The following UTP23 variants were observed in gnomAD, a reference collection of about 807,000 sequenced individuals.
UTP23 encodes UTP23 small subunit processome component.
In UTP23, 10 loss-of-function variants were observed where a neutral mutation model predicts 19.8. The ratio of observed to expected loss-of-function variants is 0.50; its 90% CI spans 0.31 to 0.86. The LOEUF (loss-of-function observed/expected upper bound fraction) is 0.86, where lower values mean the gene tolerates loss of function less well. Among genes scored for constraint, UTP23 ranks in the 40% least tolerant of loss-of-function variants. The probability of loss-of-function intolerance (pLI) is 0.05; values close to 1 mark genes in which losing one functional copy is unlikely to be tolerated. For synonymous variants in UTP23, 108 were observed against 105.4 expected (o/e 1.02, Z -0.15); for missense variants, 282 against 293.1 (o/e 0.96, Z 0.28).
chr8:116,766,872 T>C (rs1304534331), intron 1 of UTP23, 81 bp downstream of exon 1: 5 of 1,351,074 alleles, frequency 3.7e-6, no homozygotes, highest in East Asian at 2.6e-5. Context: ...CAGACCTTCA[T>C]TGCGAGCTCA....
Position 116,766,610 on chromosome 8 carries a change from A to T in UTP23, c.7A>T (p.Ile3Phe). 6.2e-7 allele frequency: 1 copy of T among 1,612,542 alleles called. No homozygotes were observed. Residue 3 changes from isoleucine to phenylalanine, a missense_variant, in exon 1 of 3, where the codon ATC (isoleucine) becomes TTC (phenylalanine). Coordinates refer to ENST00000309822, the MANE Select transcript of UTP23 (RefSeq NM_032334.3). Reference sequence around the variant, plus strand: ...CGGTCCCGGTAAGCCAGGCATGAAGATCACAAGGCAGAAACATGCCAAGAA... The same window carrying T: ...CGGTCCCGGTAAGCCAGGCATGAAGTTCACAAGGCAGAAACATGCCAAGAA... MK[I>F]TRQKHAKKHL...
At position 116,774,392 on chromosome 8, in the gene UTP23, TG is replaced by T; in HGVS notation, c.*2551del. 2.0e-6 allele frequency: 2 copies of T among 977,284 alleles called. No homozygotes were observed. Among genetic ancestry groups the T allele is most frequent in the Non-Finnish European group, 2.4e-6 (2 of 826,820 alleles). The allele number at this position is 977,284 out of a possible 1,614,324, so 60.5% of individuals were successfully genotyped here. A position where few individuals can be genotyped will look rare whatever the true frequency, so the allele number is the denominator to read the frequency against. ...CTGAATCTGCGTAAAGCAAGATGGC[TG>T]TGATTTGACAGGTTTAATTGCTAGT... On this transcript the variant is annotated 3_prime_UTR_variant, in exon 3 of 3. Transcript: ENST00000309822.
Position 116,771,830 on chromosome 8 carries a change from A to G in UTP23, c.738A>G (p.Ala246=). The change falls in exon 3 of 3, where the codon GCA becomes GCG. Residue 246 remains alanine (A), a synonymous_variant. Transcript: ENST00000309822. ...NPKVLSEKQN[A]EGE ...AAGTACTTTCTGAGAAGCAGAATGC[A>G]GAAGGAGAATGAATCCTTTGGATAC... 1.9e-6 allele frequency: 3 copies of G among 1,576,128 alleles called. No individual in the cohort carries two copies. The highest frequency in any genetic ancestry group is 2.2e-5 in the East Asian group (1 of 44,676).
Position 116,771,693 on chromosome 8 carries a change from G to A in UTP23, c.601G>A (p.Gly201Ser). The A allele has an allele frequency of 1.2e-6, 2 of 1,612,164 alleles. No individual in the cohort carries two copies. Among genetic ancestry groups the A allele is most frequent in the Non-Finnish European group, 1.7e-6 (2 of 1,179,610 alleles). ...SRRKKRKKIS[G>S]PNPLSCLKKK... is the part of the protein sequence containing the mutation. ...AAGAAAAAAGCGCAAGAAAATAAGT[G>A]GTCCCAATCCTCTTAGTTGTTTGAA... The change falls in exon 3 of 3, where the codon GGT (glycine) becomes AGT (serine). Residue 201 changes from glycine (G) to serine (S), a missense_variant. Coordinates refer to ENST00000309822, the MANE Select transcript of UTP23 (RefSeq NM_032334.3).
At chr8:116,771,334 A>G in intron 2 of UTP23, 122 bp from the exon 3 acceptor site, 1 of 776,584 alleles carries the variant, frequency 1.3e-6, no homozygotes, top group Non-Finnish European at 1.9e-6. Context: ...TGAATAAGTG[A>G]GGCTTACTCA....
rs549209253 is a variant in UTP23, at chr8:116,769,504, C to T, written c.189-688C>T. On this transcript the variant is annotated intron_variant, in intron 1 of 2. Coordinates refer to ENST00000309822, the MANE Select transcript of UTP23 (RefSeq NM_032334.3). ...TACAGGAAAGTGGTTTGATCTTAGA[C>T]ATGGTGAATTTGAAGAGTTGATAGC... is the stretch of plus-strand genomic sequence containing the variant. Among the ~76,000 whole-genome samples the T allele has an allele frequency of 1.2e-4, 18 of 152,236 alleles. 1 individual carries two copies. The South Asian group carries it at 3.7e-3, about 32-fold the overall frequency.
chr8:116,769,303 C>G (rs1815622187), intron 1 of UTP23, among the ~76,000 whole-genome samples: 1 of 152,078 alleles, frequency 6.6e-6, no homozygotes. Flanking sequence ...GGCAGGAACC[C>G]AAGGGTTCTC....
At chr8:116,770,447 A>T in intron 2 of UTP23, 81 bp downstream of exon 2, 1 of 1,351,252 alleles carries the variant, frequency 7.4e-7, no homozygotes, top group Non-Finnish European at 9.9e-7. Flanking sequence ...ATCAGAAAAA[A>T]GTTAGAATGA....
chr8:116,773,952 A>G lies in UTP23; in HGVS notation c.*2110A>G, dbSNP rs963759490. Reference sequence around the variant, plus strand: ...TTTTTTGTGTGTGAATACTATCCCTATACCACTACCCCTAAAACCTCAGAA... The same window carrying G: ...TTTTTTGTGTGTGAATACTATCCCTGTACCACTACCCCTAAAACCTCAGAA... On this transcript the variant is annotated 3_prime_UTR_variant, in exon 3 of 3. Coordinates refer to ENST00000309822, the MANE Select transcript of UTP23 (RefSeq NM_032334.3). 1 of 985,352 alleles carries G rather than the reference A, an allele frequency of 1.0e-6. No homozygotes were observed. The highest frequency in any genetic ancestry group is 1.2e-6 in the Non-Finnish European group (1 of 829,872). The allele number at this position is 985,352 out of a possible 1,614,324, so 61.0% of individuals were successfully genotyped here.
Position 116,772,365 on chromosome 8 carries a change from A to C in UTP23, c.*523A>C. ...AGTTCTAAAAGGCTTGTGACAAAAA[A>C]AGAGGCAGTCCCTCTTTCACATTGA... On this transcript the variant is annotated 3_prime_UTR_variant, in exon 3 of 3. Transcript: ENST00000309822. The C allele has an allele frequency of 1.0e-6, 1 of 983,288 alleles. No individual in the cohort carries two copies. Among genetic ancestry groups the C allele is most frequent in the Non-Finnish European group, 1.2e-6 (1 of 827,996 alleles). 60.9% of individuals were successfully genotyped at this position (983,288 alleles called of 1,614,324 possible).
In UTP23 at chr8:116,773,432, T is replaced by C. The variant is rs1035445496; in HGVS notation, c.*1590T>C. ...TCAGTGCTATCTGATTACCTGTTAA[T>C]AGCATCTGAACTGGAGAGCTGGAAA... is the stretch of plus-strand genomic sequence containing the variant. On this transcript the variant is annotated 3_prime_UTR_variant, in exon 3 of 3. Coordinates refer to ENST00000309822, the MANE Select transcript of UTP23 (RefSeq NM_032334.3). The C allele has an allele frequency of 3.1e-6, 3 of 980,292 alleles. No individual in the cohort carries two copies. The highest frequency in any genetic ancestry group is 3.6e-6 in the Non-Finnish European group (3 of 825,352). The allele number at this position is 980,292 out of a possible 1,614,324, so 60.7% of individuals were successfully genotyped here.
At chr8:116,768,655 CTT>C (rs1185046757) in intron 1 of UTP23, among the ~76,000 whole-genome samples, 1 of 152,130 alleles carries the variant, frequency 6.6e-6, no homozygotes, top group Non-Finnish European at 1.5e-5. Context: ...TTATATGTCA[CTT>C]AAGTTTTTTA....
In UTP23 at chr8:116,772,990, C is replaced by T. The variant is rs1815678770; in HGVS notation, c.*1148C>T. ...GTCTAACATTAGGTTATCATGATGA[C>T]GTATGAGTAAATTCTTAATGGTTAA... On this transcript the variant is annotated 3_prime_UTR_variant, in exon 3 of 3. Coordinates refer to ENST00000309822, the MANE Select transcript of UTP23 (RefSeq NM_032334.3). 6.1e-6 allele frequency: 6 copies of T among 985,294 alleles called. No individual in the cohort carries two copies. The highest frequency in any genetic ancestry group is 7.2e-6 in the Non-Finnish European group (6 of 829,880). 61.0% of individuals were successfully genotyped at this position (985,294 alleles called of 1,614,324 possible). A position where few individuals can be genotyped will look rare whatever the true frequency, so the allele number is the denominator to read the frequency against.
rs1033282942 is a variant in UTP23, at chr8:116,773,202, A to G, written c.*1360A>G. The G allele has an allele frequency of 3.0e-6, 3 of 985,444 alleles. No homozygotes were observed. Among genetic ancestry groups the G allele is most frequent in the Non-Finnish European group, 3.6e-6 (3 of 829,916 alleles). The allele number at this position is 985,444 out of a possible 1,614,324, so 61.0% of individuals were successfully genotyped here. On this transcript the variant is annotated 3_prime_UTR_variant, in exon 3 of 3. Coordinates refer to ENST00000309822, the MANE Select transcript of UTP23 (RefSeq NM_032334.3). ...ATTTTAAATTCTTGATGGTAGAAACATTTTTAATAAGGAAGGTAAAAATAC... is the reference window on the plus strand; with the variant it reads ...ATTTTAAATTCTTGATGGTAGAAACGTTTTTAATAAGGAAGGTAAAAATAC...
chr8:116,772,327 T>A lies in UTP23; in HGVS notation c.*485T>A, dbSNP rs948624957. The A allele has an allele frequency of 1.0e-5, 10 of 985,306 alleles. No homozygotes were observed. The highest frequency in any genetic ancestry group is 1.2e-5 in the Non-Finnish European group (10 of 829,950). 61.0% of individuals were successfully genotyped at this position (985,306 alleles called of 1,614,324 possible). A position where few individuals can be genotyped will look rare whatever the true frequency, so the allele number is the denominator to read the frequency against. ...TTCAAACATTATATGCAAACAGTTT[T>A]AAAAAATCTTACAGTTCTAAAAGGC... On this transcript the variant is annotated 3_prime_UTR_variant, in exon 3 of 3. Coordinates refer to ENST00000309822, the MANE Select transcript of UTP23 (RefSeq NM_032334.3).
chr8:116,773,357 T>G lies in UTP23; in HGVS notation c.*1515T>G, dbSNP rs1479972649. The G allele has an allele frequency of 2.0e-6, 2 of 980,200 alleles. No individual in the cohort carries two copies. Among genetic ancestry groups the G allele is most frequent in the Non-Finnish European group, 2.4e-6 (2 of 825,286 alleles). 60.7% of individuals were successfully genotyped at this position (980,200 alleles called of 1,614,324 possible). A position where few individuals can be genotyped will look rare whatever the true frequency, so the allele number is the denominator to read the frequency against. On this transcript the variant is annotated 3_prime_UTR_variant, in exon 3 of 3. Coordinates refer to ENST00000309822, the MANE Select transcript of UTP23 (RefSeq NM_032334.3). ...TACACTGATGATACTCATTTCAATA[T>G]GCTAAAATACATTAAATTTAGGTAT...
rs1351463195 is a variant in UTP23, at chr8:116,771,640, G to A, written c.548G>A (p.Gly183Asp). ...ESIKHLKEEQGLVKNTEQSRR... is the reference protein window; with the variant it reads ...ESIKHLKEEQDLVKNTEQSRR... Reference sequence around the variant, plus strand: ...ATCAAACATCTCAAAGAGGAACAGGGTTTAGTGAAAAACACTGAACAGAGT... The same window carrying A: ...ATCAAACATCTCAAAGAGGAACAGGATTTAGTGAAAAACACTGAACAGAGT... Residue 183 changes from glycine to aspartate, a missense_variant, in exon 3 of 3, where the codon GGT (glycine) becomes GAT (aspartate). Coordinates refer to ENST00000309822, the MANE Select transcript of UTP23 (RefSeq NM_032334.3). 4.3e-6 allele frequency: 7 copies of A among 1,611,528 alleles called. No homozygotes were observed. Among genetic ancestry groups the A allele is most frequent in the Non-Finnish European group, 5.9e-6 (7 of 1,179,392 alleles).
chr8:116,767,068 C>G (rs1208706262), intron 1 of UTP23: 1 of 397,540 alleles, frequency 2.5e-6, no homozygotes, highest in African/African-American at 2.1e-5. Flanking sequence ...CCAGTTCTAC[C>G]AGCTCTGTGA....
chr8:116,766,837 G>A (rs1171260300), intron 1 of UTP23, 46 bp downstream of exon 1: 20 of 1,457,802 alleles, frequency 1.4e-5, no homozygotes, highest in Non-Finnish European at 1.8e-5. Context: ...TCCGTCGGGT[G>A]TTGTAGAGGC....
Sources: allele counts gnomAD v4.1 joint callset (sites outside exome capture counted in the v4.1 genomes callset), GRCh38; gene constraint gnomAD v4.1.1; transcripts MANE v1.5; gene names NCBI Gene and HGNC (gene_info 2026-07-23, HGNC 2026-07-21).